Variants in IGSF21 observed in about 807,000 individuals in gnomAD.
The protein encoded by IGSF21 is immunoglobulin superfamily member 21.
A neutral mutation model predicts 46.8 loss-of-function variants in IGSF21; 28 were observed. The ratio of observed to expected loss-of-function variants is 0.60; its 90% confidence interval spans 0.44 to 0.82. The LOEUF is 0.82. Among genes scored for constraint, IGSF21 ranks in the 40% least tolerant of loss-of-function variants. The probability of loss-of-function intolerance (pLI) is 0.00; values close to 1 mark genes in which losing one functional copy is unlikely to be tolerated. For missense variants in IGSF21, 624 were observed against 665.5 expected, an observed-to-expected ratio of 0.94 and a Z score of 0.69; for synonymous variants, 284 against 273.6, an observed-to-expected ratio of 1.04 and a Z score of -0.38.
intron 4 of IGSF21, among the ~76,000 whole-genome samples, chr1:18,359,458 GAAAGGGAAGGAA>G (rs1370695316): frequency 1.6e-4 from 19 of 120,902 alleles, no homozygotes; most frequent in East Asian, 2.5e-4. Flanking sequence ...AAGAAAGAAA[GAAAGGGAAGGAA>G]GGAAGGAAGG....
intron 2 of IGSF21, among the ~76,000 whole-genome samples, chr1:18,241,755 G>A (rs1002125893): frequency 6.6e-6 from 1 of 152,180 alleles, no homozygotes; most frequent in Non-Finnish European, 1.5e-5. Flanking sequence ...CGCTAGGTAT[G>A]TTACAAAGAT....
At chr1:18,193,405 T>C (rs891706935) in intron 1 of IGSF21, among the ~76,000 whole-genome samples, 1 of 152,028 alleles carries the variant, frequency 6.6e-6, no homozygotes. Context: ...AATATATATA[T>C]ATATATGAAT....
intron 4 of IGSF21, among the ~76,000 whole-genome samples, chr1:18,354,369 G>A (rs1056623491): frequency 3.3e-5 from 5 of 151,994 alleles, no homozygotes; most frequent in African/African-American, 9.7e-5. Flanking sequence ...ACAGGCTAGT[G>A]GAGATGATGG....
At chr1:18,118,081 C>T (rs1261412395) in intron 1 of IGSF21, among the ~76,000 whole-genome samples, 1 of 152,200 alleles carries the variant, frequency 6.6e-6, no homozygotes, top group Non-Finnish European at 1.5e-5. Context: ...CAGCCTCCTA[C>T]ATCACAGGAC....
At chr1:18,192,578 T>C (rs545655997) in intron 1 of IGSF21, among the ~76,000 whole-genome samples, 25 of 152,170 alleles carry the variant, frequency 1.6e-4, no homozygotes, top group Non-Finnish European at 2.9e-4. Flanking sequence ...CAGCTGGGCA[T>C]ACTGGGGACC....
rs111426132 is a variant in IGSF21, at chr1:18,171,761, G to T, written c.71-56137G>T. On this transcript the variant is annotated intron_variant, in intron 1 of 9. Coordinates refer to ENST00000251296, the MANE Select transcript of IGSF21 (RefSeq NM_032880.5). The stretch of plus-strand genomic sequence containing the variant: ...TCTCTTCTAGCAAAACTTTAATTTT[G>T]TTGAGTAATTCCCCTTCCCCCATGT... Among the ~76,000 whole-genome samples the T allele has an allele frequency of 5.0e-3, 764 of 152,286 alleles. 9 individuals carry two copies. Among genetic ancestry groups the T allele is most frequent in the African/African-American group, 0.017 (721 of 41,570 alleles).
intron 2 of IGSF21, among the ~76,000 whole-genome samples, chr1:18,240,932 G>C (rs1017773961): frequency 6.6e-6 from 1 of 152,178 alleles, no homozygotes; most frequent in Non-Finnish European, 1.5e-5. Context: ...GAAGCAGAGT[G>C]TCCAGCCAAC....
At chr1:18,217,406 A>G (rs1232540672) in intron 1 of IGSF21, among the ~76,000 whole-genome samples, 2 of 152,210 alleles carry the variant, frequency 1.3e-5, no homozygotes, top group Admixed American at 1.3e-4. Context: ...GGGCCAAAAT[A>G]ACTGGTCCTG....
chr1:18,234,385 A>G (rs2084654812), intron 2 of IGSF21, among the ~76,000 whole-genome samples: 1 of 152,226 alleles, frequency 6.6e-6, no homozygotes, highest in Admixed American at 6.5e-5. Flanking sequence ...GAGAGGGCCC[A>G]CCAAACAATA....
At chr1:18,177,392 GGT>G (rs3041401) in intron 1 of IGSF21, among the ~76,000 whole-genome samples, 2,497 of 124,700 alleles carry the variant, frequency 0.02, 40 homozygotes, top group African/African-American at 0.04. Context: ...GGGTCAGTGA[GGT>G]GTGTGTGTGT....
chr1:18,175,330 T>A (rs991716284), intron 1 of IGSF21, among the ~76,000 whole-genome samples: 17 of 152,178 alleles, frequency 1.1e-4, no homozygotes, highest in African/African-American at 4.1e-4. Flanking sequence ...TGGTAGAAGC[T>A]AAGGTTGAAG....
chr1:18,186,758 T>C (rs1447257127), intron 1 of IGSF21, among the ~76,000 whole-genome samples: 1 of 152,210 alleles, frequency 6.6e-6, no homozygotes. Context: ...CCAACTTCAG[T>C]GGCTTTGCAT....
At chr1:18,148,412 G>A (rs1313256855) in intron 1 of IGSF21, among the ~76,000 whole-genome samples, 4 of 152,148 alleles carry the variant, frequency 2.6e-5, no homozygotes, top group Non-Finnish European at 4.4e-5. Flanking sequence ...GATTACTGGC[G>A]TGAGCCACCA....
chr1:18,341,530 G>T (rs1180918808), intron 4 of IGSF21, among the ~76,000 whole-genome samples: 1 of 152,146 alleles, frequency 6.6e-6, no homozygotes, highest in Non-Finnish European at 1.5e-5. Context: ...GTCACCCTTC[G>T]TTGGGCACTG....
intron 4 of IGSF21, among the ~76,000 whole-genome samples, chr1:18,355,213 C>T (rs1473088843): frequency 6.6e-6 from 1 of 152,128 alleles, no homozygotes; most frequent in East Asian, 1.9e-4. Flanking sequence ...GGCAGATTTC[C>T]CTCTCCAACA....
At chr1:18,126,110 C>T (rs2086272547) in intron 1 of IGSF21, among the ~76,000 whole-genome samples, 2 of 152,068 alleles carry the variant, frequency 1.3e-5, no homozygotes, top group Admixed American at 6.5e-5. Context: ...CTCCTTTGAA[C>T]CCCAACTTCC....
intron 5 of IGSF21, among the ~76,000 whole-genome samples, chr1:18,362,446 C>T (rs2086111323): frequency 6.6e-6 from 1 of 152,202 alleles, no homozygotes; most frequent in Non-Finnish European, 1.5e-5. Flanking sequence ...TGCTGAGAAC[C>T]CCCACTTCTC....
At chr1:18,121,509 C>G (rs1397882129) in intron 1 of IGSF21, among the ~76,000 whole-genome samples, 1 of 152,182 alleles carries the variant, frequency 6.6e-6, no homozygotes, top group African/African-American at 2.4e-5. Context: ...TCATGAGACG[C>G]TTACCCATTT....
intron 1 of IGSF21, among the ~76,000 whole-genome samples, chr1:18,165,870 C>T (rs536537718): frequency 6.6e-6 from 1 of 152,332 alleles, no homozygotes; most frequent in African/African-American, 2.4e-5. Flanking sequence ...GTTACTTCCT[C>T]CTTCCTTTGT....
Sources: gnomAD v4.1 joint callset for allele counts (sites outside exome capture counted in the v4.1 genomes callset) on GRCh38, gnomAD v4.1.1 for gene constraint, MANE v1.5 for transcripts, NCBI Gene and HGNC (gene_info 2026-07-23, HGNC 2026-07-21) for gene names.